The following UNC5C variants were observed in gnomAD, a reference collection of about 807,000 sequenced individuals.
UNC5C encodes the protein unc-5 netrin receptor C.
A neutral mutation model predicts 99.8 loss-of-function variants in UNC5C; 47 were observed. The observed-to-expected ratio is 0.47, with a 90% CI of 0.37 to 0.60. The LOEUF (loss-of-function observed/expected upper bound fraction) is 0.60. Among genes scored for constraint, UNC5C ranks in the 20% least tolerant of loss-of-function variants. The probability of loss-of-function intolerance (pLI) is 0.00; values close to 1 mark genes in which losing one functional copy is unlikely to be tolerated. For synonymous variants in UNC5C, 487 were observed against 452.2 expected, an observed-to-expected ratio of 1.08 and a Z score of -0.98; for missense variants, 1,062 against 1,165.9, an observed-to-expected ratio of 0.91 and a Z score of 1.30.
intron 1 of UNC5C, among the ~76,000 whole-genome samples, chr4:95,500,734 C>G (rs1003572701): frequency 6.6e-6 from 1 of 152,124 alleles, no homozygotes; most frequent in Admixed American, 6.6e-5. Context: ...AAAATTAATG[C>G]AGCCAGGCAG....
chr4:95,477,672 C>T (rs1402520608), intron 1 of UNC5C, among the ~76,000 whole-genome samples: 1 of 152,018 alleles, frequency 6.6e-6, no homozygotes, highest in African/African-American at 2.4e-5. Context: ...ACATATTAGC[C>T]TTTGTTCAGC....
chr4:95,444,069 T>G (rs17381177), intron 1 of UNC5C, among the ~76,000 whole-genome samples: 21 of 152,268 alleles, frequency 1.4e-4, no homozygotes, highest in African/African-American at 1.2e-4. Flanking sequence ...AATGGTCTCC[T>G]GAATATCCTT....
At chr4:95,310,152 T>G (rs1450589373) in intron 2 of UNC5C, among the ~76,000 whole-genome samples, 1 of 152,058 alleles carries the variant, frequency 6.6e-6, no homozygotes, top group Non-Finnish European at 1.5e-5. Context: ...TGGATGAGCC[T>G]GGAGAACATT....
intron 4 of UNC5C, among the ~76,000 whole-genome samples, chr4:95,264,725 C>T (rs544244534): frequency 4.7e-4 from 71 of 152,244 alleles, no homozygotes; most frequent in African/African-American, 1.6e-3. Context: ...GATTCCTGAT[C>T]CCCACTCTAC....
At position 95,182,986 on chromosome 4, in the gene UNC5C, G is replaced by C. The variant is rs766433438; in HGVS notation, c.2362C>G (p.Leu788Val). 1 of 1,613,698 alleles carries C rather than the reference G, an allele frequency of 6.2e-7. No individual in the cohort carries two copies. Among genetic ancestry groups the C allele is most frequent in the South Asian group, 1.1e-5 (1 of 91,036 alleles). ...HCTFTLERFSLNTVELVCKLC... is the reference protein window; with the variant it reads ...HCTFTLERFSVNTVELVCKLC... ...TTGCAAACCAGCTCCACTGTGTTCA[G>C]GCTAAATCTTTCCAGAGTGAAGGTG... The change falls in exon 14 of 16, where the codon CTG (leucine) becomes GTG (valine). Residue 788 changes from leucine (L) to valine (V), a missense_variant. Around this residue, in one of 3 missense-constraint regions of UNC5C, gnomAD observed 810 missense variants for 854.5 expected, o/e 0.95. Coordinates refer to ENST00000453304, the MANE Select transcript of UNC5C (RefSeq NM_003728.4).
chr4:95,537,704 C>T (rs183770525), intron 1 of UNC5C, among the ~76,000 whole-genome samples: 54 of 152,250 alleles, frequency 3.5e-4, no homozygotes, highest in African/African-American at 1.3e-3. Flanking sequence ...AATTTCATTT[C>T]AGACAGCAAT....
intron 1 of UNC5C, among the ~76,000 whole-genome samples, chr4:95,470,057 T>C (rs990738239): frequency 6.6e-6 from 1 of 152,156 alleles, no homozygotes. Flanking sequence ...AATAGTACTA[T>C]GCACAGACTG....
chr4:95,472,920 T>A (rs76159232), intron 1 of UNC5C, among the ~76,000 whole-genome samples: 2 of 147,092 alleles, frequency 1.4e-5, no homozygotes, highest in African/African-American at 2.5e-5. Context: ...AAAAAAAAAA[T>A]GTGTTCCTGT....
intron 1 of UNC5C, among the ~76,000 whole-genome samples, chr4:95,535,564 A>G (rs1238640565): frequency 1.3e-5 from 2 of 152,180 alleles, no homozygotes; most frequent in East Asian, 1.9e-4. Flanking sequence ...AAATACTATT[A>G]TTATTGGAAT....
intron 1 of UNC5C, among the ~76,000 whole-genome samples, chr4:95,391,470 C>T (rs574725498): frequency 6.6e-6 from 1 of 152,252 alleles, no homozygotes; most frequent in South Asian, 2.1e-4. Flanking sequence ...CTGACAATCA[C>T]AGAAATTATG....
At chr4:95,446,734 C>T (rs1326219061) in intron 1 of UNC5C, among the ~76,000 whole-genome samples, 1 of 152,044 alleles carries the variant, frequency 6.6e-6, no homozygotes, top group African/African-American at 2.4e-5. Context: ...CGTTTCAAAA[C>T]TCATAAAACT....
chr4:95,246,345 C>T (rs190708101), intron 5 of UNC5C, among the ~76,000 whole-genome samples: 3 of 151,798 alleles, frequency 2.0e-5, no homozygotes, highest in African/African-American at 7.3e-5. Flanking sequence ...TTGCTTGAGA[C>T]CAAGAGTTCA....
intron 7 of UNC5C, among the ~76,000 whole-genome samples, chr4:95,232,006 C>T (rs893581688): frequency 6.6e-6 from 1 of 152,072 alleles, no homozygotes; most frequent in Non-Finnish European, 1.5e-5. Flanking sequence ...GGTTCATAGC[C>T]CTGTTCCTTA....
intron 2 of UNC5C, among the ~76,000 whole-genome samples, chr4:95,327,325 T>C (rs1742925575): frequency 6.6e-6 from 1 of 152,170 alleles, no homozygotes; most frequent in South Asian, 2.1e-4. Flanking sequence ...TGGGGATTTA[T>C]GATAGCAGGC....
intron 2 of UNC5C, among the ~76,000 whole-genome samples, chr4:95,332,394 C>A (rs1579332073): frequency 6.7e-6 from 1 of 149,096 alleles, no homozygotes; most frequent in Non-Finnish European, 1.5e-5. Context: ...TGGAACAGAA[C>A]AGAGCCCTCA....
chr4:95,363,577 G>T (rs561238004), intron 1 of UNC5C, among the ~76,000 whole-genome samples: 1 of 144,370 alleles, frequency 6.9e-6, no homozygotes, highest in African/African-American at 2.9e-5. Flanking sequence ...CTCTATAAAA[G>T]AGGCTTTGCT....
chr4:95,502,296 G>T (rs1721795035), intron 1 of UNC5C, among the ~76,000 whole-genome samples: 1 of 152,178 alleles, frequency 6.6e-6, no homozygotes, highest in African/African-American at 2.4e-5. Flanking sequence ...AAGAGGCAGG[G>T]TCTTGCTCTG....
chr4:95,357,327 A>G (rs1039195674), intron 1 of UNC5C, among the ~76,000 whole-genome samples: 1 of 151,812 alleles, frequency 6.6e-6, no homozygotes, highest in Non-Finnish European at 1.5e-5. Context: ...ATTTTTGTAG[A>G]GATGGGATCT....
At chr4:95,187,067 T>G (rs941637310) in intron 12 of UNC5C, among the ~76,000 whole-genome samples, 11 of 152,210 alleles carry the variant, frequency 7.2e-5, no homozygotes, top group African/African-American at 2.7e-4. Context: ...AATTGCAGTT[T>G]CTTCTGCTTC....
Sources: allele counts gnomAD v4.1 joint callset (sites outside exome capture counted in the v4.1 genomes callset), GRCh38; gene constraint gnomAD v4.1.1; regional missense constraint gnomAD v4.1.1; transcripts MANE v1.5; gene names NCBI Gene and HGNC (gene_info 2026-07-23, HGNC 2026-07-21).